Variants in CNGB3 observed in about 807,000 individuals in gnomAD.
The protein encoded by CNGB3 is cyclic nucleotide-gated channel beta-3.
A neutral mutation model predicts 92.8 loss-of-function variants in CNGB3; 86 were observed. The ratio of observed to expected loss-of-function variants is 0.93; its 90% confidence interval spans 0.78 to 1.11. The LOEUF is 1.11. Ranked by LOEUF, CNGB3 falls within the 50% of genes least tolerant of loss-of-function variation. CNGB3 has a pLI of 0.00. For synonymous variants in CNGB3, 333 were observed against 332.7 expected (o/e 1.00, Z -0.01); for missense variants, 1,026 against 956.8 (o/e 1.07, Z -0.95).
chr8:86,590,265 C>G (rs1472933261), intron 15 of CNGB3, among the ~76,000 whole-genome samples: 1 of 151,924 alleles, frequency 6.6e-6, no homozygotes, highest in African/African-American at 2.4e-5. Flanking sequence ...CTGAATACAG[C>G]ACACTGATGG....
intron 15 of CNGB3, among the ~76,000 whole-genome samples, chr8:86,601,486 A>G (rs999772037): frequency 9.9e-5 from 15 of 152,018 alleles, no homozygotes; most frequent in African/African-American, 3.4e-4. Flanking sequence ...GGATTAATAT[A>G]TAATGTCCTT....
At chr8:86,627,124 A>G (rs1277731542) in intron 12 of CNGB3, among the ~76,000 whole-genome samples, 3 of 151,722 alleles carry the variant, frequency 2.0e-5, no homozygotes, top group East Asian at 3.9e-4. Context: ...GTTTTCTTAT[A>G]TTATTTAGAA....
chr8:86,712,757 T>A (rs74369995), intron 3 of CNGB3, among the ~76,000 whole-genome samples: 1 of 646 alleles, frequency 1.5e-3, no homozygotes, highest in African/African-American at 0.018. Flanking sequence ...CTGGCTTAAT[T>A]TTTTTTTTTT....
intron 3 of CNGB3, among the ~76,000 whole-genome samples, chr8:86,696,043 G>A (rs1824444299): frequency 6.6e-6 from 1 of 152,168 alleles, no homozygotes; most frequent in Admixed American, 6.5e-5. Context: ...CTGCTCTGGT[G>A]GAGGTGGCAG....
At chr8:86,722,376 G>T (rs1055935606) in intron 3 of CNGB3, among the ~76,000 whole-genome samples, 2 of 152,168 alleles carry the variant, frequency 1.3e-5, no homozygotes, top group Non-Finnish European at 2.9e-5. Flanking sequence ...CTTCACAGGG[G>T]TGAACCCTGT....
intron 3 of CNGB3, among the ~76,000 whole-genome samples, chr8:86,706,438 G>T (rs748431510): frequency 6.6e-6 from 1 of 152,154 alleles, no homozygotes; most frequent in Non-Finnish European, 1.5e-5. Context: ...TAAATGCATC[G>T]CTCATTAGTG....
At chr8:86,690,516 C>G (rs1440980268) in intron 3 of CNGB3, among the ~76,000 whole-genome samples, 2 of 152,150 alleles carry the variant, frequency 1.3e-5, no homozygotes, top group African/African-American at 4.8e-5. Context: ...GTTGCCTATT[C>G]ACTCTGATGG....
chr8:86,578,726 G>A lies in CNGB3; in HGVS notation c.2066C>T (p.Ala689Val). The change falls in exon 17 of 18, where the codon GCA becomes GTA. Residue 689 changes from alanine to valine, a missense_variant. Physicochemically the swap from Ala to Val is moderately conservative, Grantham distance 64. Coordinates refer to ENST00000320005, the MANE Select transcript of CNGB3 (RefSeq NM_019098.5). ...CTCTCGCTTCAATTTGAGTAGTCTT[G>A]CAAGACTTGCTTTTCCTGTGCCTCC... ...LLGGTGKASL[A>V]RLLKLKREQA... The A allele has an allele frequency of 6.2e-7, 1 of 1,614,024 alleles. No homozygotes were observed. Among genetic ancestry groups the A allele is most frequent in the Non-Finnish European group, 8.5e-7 (1 of 1,180,010 alleles).
intron 3 of CNGB3, among the ~76,000 whole-genome samples, chr8:86,700,671 CT>C (rs1300651941): frequency 5.3e-5 from 8 of 152,164 alleles, no homozygotes; most frequent in Non-Finnish European, 4.4e-5. Flanking sequence ...CAGAGTCTTG[CT>C]CTGACACCCA....
chr8:86,742,853 G>T (rs1326279841), intron 1 of CNGB3, among the ~76,000 whole-genome samples: 1 of 152,078 alleles, frequency 6.6e-6, no homozygotes, highest in Non-Finnish European at 1.5e-5. Flanking sequence ...TATACATTTT[G>T]CAGAAAAATA....
chr8:86,742,537 C>G (rs1825360623), intron 1 of CNGB3, among the ~76,000 whole-genome samples: 1 of 152,126 alleles, frequency 6.6e-6, no homozygotes, highest in African/African-American at 2.4e-5. Context: ...GGACTATGCT[C>G]CCCTAGTCCC....
intron 2 of CNGB3, among the ~76,000 whole-genome samples, chr8:86,735,476 G>T (rs779761035): frequency 3.3e-5 from 5 of 152,176 alleles, no homozygotes; most frequent in Non-Finnish European, 7.3e-5. Context: ...AACACAGTCA[G>T]TTGTCTTACA....
At chr8:86,739,320 G>A (rs1825300451) in intron 2 of CNGB3, among the ~76,000 whole-genome samples, 1 of 152,082 alleles carries the variant, frequency 6.6e-6, no homozygotes, top group African/African-American at 2.4e-5. Context: ...AAATTGCATC[G>A]TTCACAATAT....
rs1563744852 is a variant in CNGB3, at chr8:86,660,399, AG to A, written c.853-6338del. ...CAGATGTGCAACTGATCCAGAGGAG[AG>A]TTAACCAGGGCCACACTAGAACTCA... On this transcript the variant is annotated intron_variant, in intron 6 of 17. Transcript: ENST00000320005. The A allele has an allele frequency of 1.3e-5, 6 of 454,072 alleles. No homozygotes were observed. In the East Asian group the frequency reaches 3.3e-4, roughly 25 times the overall value. The allele number at this position is 454,072 out of a possible 1,614,324, so 28.1% of individuals were successfully genotyped here.
At chr8:86,588,542 G>A (rs1314800504) in intron 15 of CNGB3, among the ~76,000 whole-genome samples, 1 of 151,398 alleles carries the variant, frequency 6.6e-6, no homozygotes, top group Non-Finnish European at 1.5e-5. Context: ...AGAGTTTTTA[G>A]CATGAAGGTT....
chr8:86,652,493 C>A (rs1041971538), intron 7 of CNGB3, among the ~76,000 whole-genome samples: 4 of 151,990 alleles, frequency 2.6e-5, no homozygotes. Flanking sequence ...TTTGTAATAA[C>A]ACTTAGCTTA....
At chr8:86,607,586 T>C (rs1305655629) in intron 14 of CNGB3, among the ~76,000 whole-genome samples, 2 of 152,178 alleles carry the variant, frequency 1.3e-5, no homozygotes, top group African/African-American at 4.8e-5. Flanking sequence ...GAGGTGCAAA[T>C]TCTCAGTTTA....
rs145041173 is a variant in CNGB3, at chr8:86,677,107, C to A, written c.339-6009G>T. On this transcript the variant is annotated intron_variant, in intron 3 of 17. Coordinates refer to ENST00000320005, the MANE Select transcript of CNGB3 (RefSeq NM_019098.5). ...GAAAACACAAAGGATTGTTGGTGAT[C>A]ACCAAAAGCTGGGAGAGAGAGCATG... 3.4e-3 allele frequency among the ~76,000 whole-genome samples: 519 copies of A among 152,244 alleles called. 3 individuals carry two copies. Among genetic ancestry groups the A allele is most frequent in the African/African-American group, 0.012 (503 of 41,546 alleles).
intron 2 of CNGB3, among the ~76,000 whole-genome samples, chr8:86,731,233 T>C (rs545397384): frequency 1.3e-5 from 2 of 152,234 alleles, no homozygotes; most frequent in South Asian, 4.1e-4. Context: ...CTTTGTGAGG[T>C]AGTGAAGGCT....
Sources: allele counts gnomAD v4.1 joint callset (sites outside exome capture counted in the v4.1 genomes callset), GRCh38; gene constraint gnomAD v4.1.1; transcripts MANE v1.5; gene names NCBI Gene and HGNC (gene_info 2026-07-23, HGNC 2026-07-21).